Variants in GRAMD1B observed in about 807,000 individuals in gnomAD.
GRAMD1B encodes the protein protein Aster-B.
In GRAMD1B, 37 loss-of-function variants were observed where a neutral mutation model predicts 99.7. That is an observed-to-expected ratio of 0.37 (90% CI 0.29 to 0.49). The LOEUF (loss-of-function observed/expected upper bound fraction) is 0.49, where lower values mean the gene tolerates loss of function less well. Among genes scored for constraint, GRAMD1B ranks in the 20% least tolerant of loss-of-function variants. GRAMD1B has a pLI of 0.98. For missense variants in GRAMD1B, 888 were observed against 1,009.2 expected (o/e 0.88, Z 1.63); for synonymous variants, 427 against 387.6 (o/e 1.10, Z -1.19).
intron 2 of GRAMD1B, among the ~76,000 whole-genome samples, chr11:123,572,609 G>A (rs1592068211): frequency 6.6e-6 from 1 of 152,218 alleles, no homozygotes; most frequent in East Asian, 1.9e-4. Flanking sequence ...AGCACCGGGT[G>A]GGGACATGTA....
In GRAMD1B at chr11:123,587,673, C is replaced by G. The variant is rs935689365; in HGVS notation, c.684+3341C>G. Among the ~76,000 whole-genome samples the G allele has an allele frequency of 1.3e-5, 2 of 152,194 alleles. No individual in the cohort carries two copies. The highest frequency in any genetic ancestry group is 1.3e-4 in the Admixed American group (2 of 15,288). ...GAGATCAGAGCACAGGAGCCCAGAC[C>G]CTGGCAGCCGCCTGAGACTTAGCAC... is the stretch of plus-strand genomic sequence containing the variant. On this transcript the variant is annotated intron_variant, in intron 4 of 19. Transcript: ENST00000635736. This position sits in a 1 kb window ranked among gnomAD's most constrained non-coding sequence, Gnocchi z 4.2.
intron 1 of GRAMD1B, among the ~76,000 whole-genome samples, chr11:123,379,336 A>G (rs1336636395): frequency 6.6e-6 from 1 of 152,136 alleles, no homozygotes; most frequent in Non-Finnish European, 1.5e-5. Context: ...TGCCTACCTG[A>G]CAAGGCAGGC....
At chr11:123,594,711 C>T (rs773022931) in intron 5 of GRAMD1B, 24 bp from the exon 6 acceptor site, 1 of 1,253,046 alleles carries the variant, frequency 8.0e-7, no homozygotes, top group Admixed American at 1.7e-5. Flanking sequence ...CCTCTGAGCT[C>T]CCCTACCTCC....
chr11:123,516,582 G>T (rs1312393736), intron 2 of GRAMD1B, among the ~76,000 whole-genome samples: 1 of 151,962 alleles, frequency 6.6e-6, no homozygotes, highest in Non-Finnish European at 1.5e-5. Flanking sequence ...TGGCTCTTTT[G>T]TGTTAAGACC....
intron 1 of GRAMD1B, among the ~76,000 whole-genome samples, chr11:123,466,412 AAGAAAG>A (rs1327278626): frequency 6.6e-6 from 1 of 151,668 alleles, no homozygotes; most frequent in Non-Finnish European, 1.5e-5. Flanking sequence ...GAAAGGAAGA[AAGAAAG>A]AGAAAAAGAA....
intron 10 of GRAMD1B, 115 bp from the exon 11 acceptor site, chr11:123,606,494 C>A (rs1952739703): frequency 1.1e-6 from 1 of 918,296 alleles, no homozygotes. Context: ...GACTTCGCTC[C>A]TGAGCAGCTG....
chr11:123,433,332 C>T (rs1388282301), intron 1 of GRAMD1B, among the ~76,000 whole-genome samples: 4 of 152,026 alleles, frequency 2.6e-5, no homozygotes, highest in Admixed American at 6.6e-5. Flanking sequence ...GAGCCAAGAT[C>T]GCGCCATTGC....
chr11:123,519,535 C>G (rs1591795702), intron 2 of GRAMD1B, among the ~76,000 whole-genome samples: 2 of 152,232 alleles, frequency 1.3e-5, no homozygotes, highest in East Asian at 3.9e-4. Context: ...ATAACACTCT[C>G]AACGCCTGAT....
At chr11:123,605,238 G>A (rs1952553313) in intron 9 of GRAMD1B, 84 bp from the exon 10 acceptor site, 2 of 937,468 alleles carry the variant, frequency 2.1e-6, no homozygotes, top group Admixed American at 6.0e-5. Flanking sequence ...AGATATGGAT[G>A]GATAGAAAGG....
At chr11:123,565,865 A>G (rs185592929) in intron 2 of GRAMD1B, among the ~76,000 whole-genome samples, 181 of 152,350 alleles carry the variant, frequency 1.2e-3, no homozygotes, top group Non-Finnish European at 2.2e-3. Flanking sequence ...CAATCTCAGG[A>G]AAAGGAAATT....
At chr11:123,445,874 G>A (rs1023019051) in intron 1 of GRAMD1B, among the ~76,000 whole-genome samples, 2 of 151,048 alleles carry the variant, frequency 1.3e-5, no homozygotes, top group Non-Finnish European at 2.9e-5. Context: ...CAGGAAAGAG[G>A]ATTGGTTGCA....
intron 1 of GRAMD1B, among the ~76,000 whole-genome samples, chr11:123,446,273 C>G (rs934451397): frequency 1.3e-5 from 2 of 152,142 alleles, no homozygotes; most frequent in African/African-American, 4.8e-5. Flanking sequence ...TCAAGAGATT[C>G]TCCCGCCTCA....
intron 9 of GRAMD1B, 21 bp downstream of exon 9, chr11:123,603,562 C>G (rs1565448318): frequency 6.8e-7 from 1 of 1,477,146 alleles, no homozygotes; most frequent in Admixed American, 1.7e-5. Flanking sequence ...CCAAGGGCGG[C>G]TGCCCAGAGG....
At chr11:123,508,108 C>G (rs1591751351) in intron 2 of GRAMD1B, among the ~76,000 whole-genome samples, 1 of 152,272 alleles carries the variant, frequency 6.6e-6, no homozygotes, top group East Asian at 1.9e-4. Context: ...AGTATATTTT[C>G]TGCGGCTATA....
rs1950651584 is a variant in GRAMD1B, at chr11:123,591,597, T to C, written c.685-2485T>C. The stretch of plus-strand genomic sequence containing the variant: ...CTGTGGTAGTTCTGCACCCTTGTTA[T>C]GCCACTTGGCTCTCCTACCCGAAGG... On this transcript the variant is annotated intron_variant, in intron 4 of 19. Coordinates refer to ENST00000635736, the MANE Select transcript of GRAMD1B (RefSeq NM_001387025.1). This position sits in a 1 kb window ranked among gnomAD's most constrained non-coding sequence, Gnocchi z 4.7. The C allele has an allele frequency of 2.5e-6, 1 of 398,208 alleles. No individual in the cohort carries two copies. Among genetic ancestry groups the C allele is most frequent in the African/African-American group, 2.1e-5 (1 of 48,656 alleles). The allele number at this position is 398,208 out of a possible 1,614,324, so 24.7% of individuals were successfully genotyped here. A position where few individuals can be genotyped will look rare whatever the true frequency, so the allele number is the denominator to read the frequency against.
chr11:123,401,417 C>T (rs1947658215), intron 1 of GRAMD1B, among the ~76,000 whole-genome samples: 1 of 152,270 alleles, frequency 6.6e-6, no homozygotes, highest in African/African-American at 2.4e-5. Context: ...CAGGCATGGG[C>T]TGTTGGCCCC....
chr11:123,537,715 TG>T (rs1174919161), intron 2 of GRAMD1B, among the ~76,000 whole-genome samples: 4 of 152,244 alleles, frequency 2.6e-5, no homozygotes, highest in African/African-American at 9.6e-5. Context: ...GTGGGGCCTA[TG>T]AGTAATAGGA....
At position 123,623,418 on chromosome 11, in the gene GRAMD1B, C is replaced by G. The variant is rs1955326511; in HGVS notation, c.*823C>G. ...ATTGTTTCTCTGTGCCCTAAGAGCA[C>G]ATTGTTTATTAGCCAGGGTGGAGCG... is the stretch of plus-strand genomic sequence containing the variant. On this transcript the variant is annotated 3_prime_UTR_variant, in exon 20 of 20. Transcript: ENST00000635736. The G allele has an allele frequency of 6.6e-6, 1 of 152,216 alleles. No homozygotes were observed. Among genetic ancestry groups the G allele is most frequent in the Non-Finnish European group, 1.5e-5 (1 of 68,054 alleles). 9.4% of individuals were successfully genotyped at this position (152,216 alleles called of 1,614,324 possible).
At chr11:123,586,174 G>A (rs1950053967) in intron 4 of GRAMD1B, among the ~76,000 whole-genome samples, 1 of 152,164 alleles carries the variant, frequency 6.6e-6, no homozygotes, top group Non-Finnish European at 1.5e-5. Context: ...TGGAGGATGG[G>A]GTGGGCCAGA....
Sources: allele counts gnomAD v4.1 joint callset (sites outside exome capture counted in the v4.1 genomes callset), GRCh38; gene constraint gnomAD v4.1.1; non-coding constraint Gnocchi (gnomAD v3.1); transcripts MANE v1.5; gene names NCBI Gene and HGNC (gene_info 2026-07-23, HGNC 2026-07-21).